The following NME8 variants were observed in gnomAD, a reference collection of about 807,000 sequenced individuals.
NME8 encodes protein NME8.
In NME8, 72 loss-of-function variants were observed where a neutral mutation model predicts 82.3. The ratio of observed to expected loss-of-function variants is 0.87; its 90% CI spans 0.72 to 1.06. The LOEUF (loss-of-function observed/expected upper bound fraction) is 1.06, where lower values mean the gene tolerates loss of function less well. Among genes scored for constraint, NME8 ranks in the 50% least tolerant of loss-of-function variants. NME8 has a pLI of 0.00. For synonymous variants in NME8, 267 were observed against 228.5 expected (o/e 1.17, Z -1.52); for missense variants, 712 against 685.4 (o/e 1.04, Z -0.43).
intron 5 of NME8, among the ~76,000 whole-genome samples, chr7:37,855,687 T>C (rs1417235996): frequency 3.3e-5 from 5 of 152,210 alleles, no homozygotes; most frequent in Admixed American, 2.0e-4. Flanking sequence ...TCAAAAATTA[T>C]CAAACCATCC....
chr7:37,880,087 G>T (rs67516060), intron 12 of NME8, among the ~76,000 whole-genome samples: 3,058 of 100,648 alleles, frequency 0.03, 188 homozygotes, highest in East Asian at 0.17. Context: ...GGTTTTTTTT[G>T]TTTGTTTATT....
chr7:37,892,551 A>G (rs1345045864), intron 15 of NME8, among the ~76,000 whole-genome samples: 3 of 151,884 alleles, frequency 2.0e-5, no homozygotes, highest in Non-Finnish European at 4.4e-5. Context: ...ACGTGTAGAC[A>G]TGCTTATCTT....
rs114654472 is a variant in NME8 at position 37,865,374 on chromosome 7, C to A, written c.529-151C>A. The stretch of plus-strand genomic sequence containing the variant: ...ATCTTAAAGTTTGTATATTTTTGAG[C>A]CACTTCAAACCAAGTGTCCTATAGA... On this transcript the variant is annotated intron_variant, in intron 9 of 17. Coordinates refer to ENST00000199447, the MANE Select transcript of NME8 (RefSeq NM_016616.5). 4,080 of 637,504 alleles carry A rather than the reference C, an allele frequency of 6.4e-3. 143 individuals carry two copies. In the African/African-American group the frequency reaches 0.066, roughly 10 times the overall value. 39.5% of individuals were successfully genotyped at this position (637,504 alleles called of 1,614,324 possible). A position where few individuals can be genotyped will look rare whatever the true frequency, so the allele number is the denominator to read the frequency against.
At chr7:37,871,663 GT>G in intron 11 of NME8, among the ~76,000 whole-genome samples, 1 of 152,220 alleles carries the variant, frequency 6.6e-6, no homozygotes, top group African/African-American at 2.4e-5. Flanking sequence ...CTCACTTTCA[GT>G]TTAAGTCTTT....
chr7:37,882,611 G>A (rs12532223), intron 12 of NME8, among the ~76,000 whole-genome samples: 3,095 of 48,840 alleles, frequency 0.063, 78 homozygotes, highest in South Asian at 0.1. Context: ...GAGAGAGAGA[G>A]AGAGAAAGAA....
chr7:37,896,721 GA>G (rs1175838257), intron 16 of NME8, 148 bp from the exon 17 acceptor site: 8 of 692,602 alleles, frequency 1.2e-5, no homozygotes, highest in East Asian at 2.5e-5. Context: ...AGGGAGAAAT[GA>G]AAAAAAGAAA....
chr7:37,873,370 A>AAAAAAG (rs796807809), intron 11 of NME8, among the ~76,000 whole-genome samples: 1 of 147,034 alleles, frequency 6.8e-6, no homozygotes, highest in Non-Finnish European at 1.5e-5. Context: ...AAAAAAAAAA[A>AAAAAAG]AAAAGAAAAG....
intron 12 of NME8, among the ~76,000 whole-genome samples, chr7:37,881,713 T>C (rs1330034312): frequency 6.6e-6 from 1 of 152,180 alleles, no homozygotes; most frequent in East Asian, 1.9e-4. Flanking sequence ...AAAAATAAAT[T>C]GTTTCCAGAG....
At chr7:37,872,197 T>C (rs1784775408) in intron 11 of NME8, among the ~76,000 whole-genome samples, 1 of 152,224 alleles carries the variant, frequency 6.6e-6, no homozygotes, top group Non-Finnish European at 1.5e-5. Context: ...AGTAGAATTA[T>C]TGAATTCCTT....
At chr7:37,889,658 A>G (rs1785098626) in intron 15 of NME8, among the ~76,000 whole-genome samples, 1 of 151,408 alleles carries the variant, frequency 6.6e-6, no homozygotes, top group Admixed American at 6.6e-5. Context: ...TTTTAAAGAG[A>G]TTTTTTAAAA....
intron 17 of NME8, among the ~76,000 whole-genome samples, chr7:37,898,514 T>C (rs992167941): frequency 1.3e-5 from 2 of 152,166 alleles, no homozygotes; most frequent in Non-Finnish European, 2.9e-5. Context: ...GGTATAAAGA[T>C]ACAACGGAAT....
At position 37,900,245 on chromosome 7, in the gene NME8, A is replaced by G. The variant is rs1785293886; in HGVS notation, c.*17A>G. ...TAAGTGCATTCTTTCTTTTCCTAGA[A>G]CTTTGAGAAGATAATACATATGTTC... On this transcript the variant is annotated splice_region_variant and 3_prime_UTR_variant, in exon 18 of 18. Transcript: ENST00000199447. The G allele has an allele frequency of 6.6e-6, 1 of 152,242 alleles. No individual in the cohort carries two copies. The highest frequency in any genetic ancestry group is 6.5e-5 in the Admixed American group (1 of 15,284). 9.4% of individuals were successfully genotyped at this position (152,242 alleles called of 1,614,324 possible).
At chr7:37,882,643 G>GAAAAAGAAAGAAAGAAAAAGAA (rs796634405) in intron 12 of NME8, among the ~76,000 whole-genome samples, 1 of 49,418 alleles carries the variant, frequency 2.0e-5, no homozygotes, top group East Asian at 7.5e-4. Flanking sequence ...AAGAAAGAAA[G>GAAAAAGAAAGAAAGAAAAAGAA]AGAAAGAAAG....
chr7:37,859,180 C>T (rs758569650), intron 6 of NME8, among the ~76,000 whole-genome samples: 11 of 152,278 alleles, frequency 7.2e-5, no homozygotes, highest in Non-Finnish European at 1.3e-4. Flanking sequence ...TCACCCCGAC[C>T]GCTAGTCCAG....
chr7:37,876,235 TAGATAGATAG>T (rs1562835696), intron 11 of NME8, among the ~76,000 whole-genome samples: 28 of 83,722 alleles, frequency 3.3e-4, no homozygotes, highest in Non-Finnish European at 8.5e-4. Context: ...TATATATAGA[TAGATAGATAG>T]ATAGATAGAT....
chr7:37,850,084 C>G (rs1385799986), intron 2 of NME8, among the ~76,000 whole-genome samples, 176 bp from the exon 3 acceptor site: 2 of 152,108 alleles, frequency 1.3e-5, no homozygotes, highest in African/African-American at 2.4e-5. Context: ...ATCAAAATAT[C>G]TCAGATTTAA....
Position 37,890,491 on chromosome 7 carries a change from C to T in NME8, c.1399+2063C>T, listed in dbSNP as rs148908350. On this transcript the variant is annotated intron_variant, in intron 15 of 17. Transcript: ENST00000199447. ...TCTACCTATTTTGAAATATACAATG[C>T]GATATTATTAACTATAGTTACCCTA... is the stretch of plus-strand genomic sequence containing the variant. Among the ~76,000 whole-genome samples, 35 of 151,896 alleles carry T rather than the reference C, an allele frequency of 2.3e-4. No individual in the cohort carries two copies. The East Asian group carries it at 5.8e-3, about 25-fold the overall frequency.
At position 37,853,964 on chromosome 7, in the gene NME8, T is replaced by TATTATAATATAAAC. The variant is rs1784473781; in HGVS notation, c.198+3238_198+3251dup. ...ATTATTTAATCCTTAATAATTTATG[T>TATTATAATATAAAC]ATTATAATATAAACATTATAATTAT... On this transcript the variant is annotated intron_variant, in intron 5 of 17. Transcript: ENST00000199447. Among the ~76,000 whole-genome samples, 3 of 150,456 alleles carry TATTATAATATAAAC rather than the reference T, an allele frequency of 2.0e-5. No homozygotes were observed. In the South Asian group the frequency reaches 6.2e-4, roughly 31 times the overall value.
rs200893977 is a variant in NME8 at position 37,892,856 on chromosome 7, TG to T, written c.1400-1603del. Among the ~76,000 whole-genome samples the T allele has an allele frequency of 3.3e-5, 5 of 152,030 alleles. No homozygotes were observed. The East Asian group carries it at 9.6e-4, about 29-fold the overall frequency. On this transcript the variant is annotated intron_variant, in intron 15 of 17. Transcript: ENST00000199447. ...CACATTAGGGTGTCGTGTTACAGTT[TG>T]GGGGGGTATTTGTCATCCTTCTGCT...
Sources: gnomAD v4.1 joint callset for allele counts (sites outside exome capture counted in the v4.1 genomes callset) on GRCh38, gnomAD v4.1.1 for gene constraint, MANE v1.5 for transcripts, NCBI Gene and HGNC (gene_info 2026-07-23, HGNC 2026-07-21) for gene names.